Variants in MAPRE3 observed in about 807,000 individuals in gnomAD.
MAPRE3 encodes the protein microtubule-associated protein RP/EB family member 3.
MAPRE3 carries 2 observed loss-of-function variants against 30.5 expected under a neutral mutation model. The observed-to-expected ratio is 0.07, with a 90% CI of 0.03 to 0.21. The LOEUF (loss-of-function observed/expected upper bound fraction) is 0.21. Ranked by LOEUF, MAPRE3 falls within the 10% of genes least tolerant of loss-of-function variation. MAPRE3 has a pLI of 1.00. For missense variants in MAPRE3, 204 were observed against 351.8 expected, an observed-to-expected ratio of 0.58 and a Z score of 3.36; for synonymous variants, 110 against 127.7, an observed-to-expected ratio of 0.86 and a Z score of 0.93.
intron 1 of MAPRE3, among the ~76,000 whole-genome samples, chr2:26,975,093 C>A (rs1311896484): frequency 6.6e-6 from 1 of 152,170 alleles, no homozygotes; most frequent in Non-Finnish European, 1.5e-5. Flanking sequence ...GAAAGACTGG[C>A]AGGACAGGAG....
At chr2:27,026,219 A>T in intron 6 of MAPRE3, 61 bp from the exon 7 acceptor site, 1 of 1,519,554 alleles carries the variant, frequency 6.6e-7, no homozygotes, top group Non-Finnish European at 9.0e-7. Flanking sequence ...TACTTACAGA[A>T]CCTGAGAAGC....
chr2:26,995,825 G>GTGTGTGTGTGTGTGTGTGTA (rs1473997599), intron 1 of MAPRE3, among the ~76,000 whole-genome samples: 62 of 149,306 alleles, frequency 4.2e-4, no homozygotes, highest in East Asian at 3.1e-3. Context: ...GTGTGTGTGT[G>GTGTGTGTGTGTGTGTGTGTA]TGTGTATGTG....
rs180846687 is a variant in MAPRE3 at position 26,978,056 on chromosome 2, C to G, written c.-8+7254C>G. On this transcript the variant is annotated intron_variant, in intron 1 of 6. Coordinates refer to ENST00000233121, the MANE Select transcript of MAPRE3 (RefSeq NM_012326.4). ...ATACTTGTCCTAGATGGGGTGGAGGCCTTCCCTGCTGCTGGAATTATTAGT... is the reference window on the plus strand; with the variant it reads ...ATACTTGTCCTAGATGGGGTGGAGGGCTTCCCTGCTGCTGGAATTATTAGT... Among the ~76,000 whole-genome samples the G allele has an allele frequency of 2.6e-3, 400 of 152,264 alleles. 2 individuals carry two copies. The highest frequency in any genetic ancestry group is 9.2e-3 in the African/African-American group (382 of 41,516).
chr2:26,970,810 C>G lies in MAPRE3; in HGVS notation c.-8+8C>G, dbSNP rs961145163. The G allele has an allele frequency of 1.3e-5, 2 of 152,010 alleles. No individual in the cohort carries two copies. Among genetic ancestry groups the G allele is most frequent in the Non-Finnish European group, 2.9e-5 (2 of 67,996 alleles). 9.4% of individuals were successfully genotyped at this position (152,010 alleles called of 1,614,324 possible). ...GGAGCCGCCTCGTGCACTGTGAGTC[C>G]GGGCCGAGGCGACGGACGCCGTGGG... is the stretch of plus-strand genomic sequence containing the variant. On this transcript the variant is annotated splice_region_variant and intron_variant, in intron 1 of 6. Coordinates refer to ENST00000233121, the MANE Select transcript of MAPRE3 (RefSeq NM_012326.4).
chr2:26,985,459 C>G lies in MAPRE3; in HGVS notation c.-8+14657C>G, dbSNP rs1666198171. Among the ~76,000 whole-genome samples the G allele has an allele frequency of 6.6e-6, 1 of 152,168 alleles. No individual in the cohort carries two copies. Among genetic ancestry groups the G allele is most frequent in the South Asian group, 2.1e-4 (1 of 4,834 alleles). On this transcript the variant is annotated intron_variant, in intron 1 of 6. Coordinates refer to ENST00000233121, the MANE Select transcript of MAPRE3 (RefSeq NM_012326.4). The surrounding 1 kb of genome is among the most constrained non-coding windows in gnomAD (Gnocchi z 4.2). ...GTGGCAGAAGCAGGCCCTGGAGACC[C>G]TCCCCACTTGCTCAGGTGTGGCCCA...
chr2:26,976,593 C>A (rs1457838295), intron 1 of MAPRE3, among the ~76,000 whole-genome samples: 1 of 152,192 alleles, frequency 6.6e-6, no homozygotes, highest in Non-Finnish European at 1.5e-5. Flanking sequence ...CTAAACTGAC[C>A]AGATGTTGTT....
chr2:26,972,049 T>C (rs1665924938), intron 1 of MAPRE3, among the ~76,000 whole-genome samples: 1 of 152,242 alleles, frequency 6.6e-6, no homozygotes, highest in South Asian at 2.1e-4. Flanking sequence ...TCAGAGTTAG[T>C]GCCCAGAGCC....
At chr2:27,009,106 A>G (rs1449627446) in intron 1 of MAPRE3, among the ~76,000 whole-genome samples, 1 of 152,136 alleles carries the variant, frequency 6.6e-6, no homozygotes, top group African/African-American at 2.4e-5. Context: ...AGATTATAGA[A>G]CAGGTCTGTA....
chr2:26,987,593 G>A (rs191268017), intron 1 of MAPRE3, among the ~76,000 whole-genome samples: 198 of 152,212 alleles, frequency 1.3e-3, no homozygotes, highest in East Asian at 2.7e-3. Context: ...AGCCGAGATC[G>A]CGCCATTGCA....
intron 1 of MAPRE3, among the ~76,000 whole-genome samples, chr2:27,002,614 T>G (rs1050537001): frequency 1.3e-5 from 2 of 152,336 alleles, no homozygotes; most frequent in Admixed American, 1.3e-4. Context: ...ACTGCCCATC[T>G]TGGAACCCAG....
At position 27,026,004 on chromosome 2, in the gene MAPRE3, G is replaced by A; in HGVS notation, c.749G>A (p.Gly250Asp). ...AGTGAAAACAGCCCTGTTATCTCAG[G>A]CATCATTGGCATCCTCTATGCCACA... is the stretch of plus-strand genomic sequence containing the variant. Reference protein sequence around the residue: ...HESENSPVISGIIGILYATEE... With the variant: ...HESENSPVISDIIGILYATEE... The change falls in exon 6 of 7, where the codon GGC becomes GAC. Residue 250 changes from glycine to aspartate, a missense_variant. By Grantham distance (94) the Gly-to-Asp change is moderately conservative. Transcript: ENST00000233121. 6.2e-7 allele frequency: 1 copy of A among 1,614,208 alleles called. No homozygotes were observed. The highest frequency in any genetic ancestry group is 2.2e-5 in the East Asian group (1 of 44,874).
intron 1 of MAPRE3, among the ~76,000 whole-genome samples, chr2:26,982,179 C>T (rs1195135887): frequency 2.0e-5 from 3 of 152,198 alleles, no homozygotes; most frequent in Non-Finnish European, 4.4e-5. Flanking sequence ...TTTCTCATGT[C>T]CTCCTAGATC....
At chr2:26,995,773 TAA>T (rs1454689316) in intron 1 of MAPRE3, among the ~76,000 whole-genome samples, 1 of 67,814 alleles carries the variant, frequency 1.5e-5, no homozygotes. Flanking sequence ...AGGGTCTTTC[TAA>T]GAGAGGTGTG....
In MAPRE3 at chr2:27,023,435, C is replaced by A. The variant is rs1427054781; in HGVS notation, c.225C>A (p.Phe75Leu). Residue 75 changes from phenylalanine (F) to leucine (L), a missense_variant, in exon 3 of 7, where the codon TTC becomes TTA. This residue lies in a region of MAPRE3 where 101 missense variants were observed against 205.4 expected (regional missense o/e 0.49). Transcript: ENST00000233121. ...AKLEHEYIHN[F>L]KVLQAAFKKM... is the part of the protein sequence containing the mutation. ...TAGAGCACGAATACATCCACAACTT[C>A]AAGGTGCTGCAAGCAGCTTTCAAGA... is the stretch of plus-strand genomic sequence containing the variant. 6.2e-7 allele frequency: 1 copy of A among 1,614,180 alleles called. No homozygotes were observed. The highest frequency in any genetic ancestry group is 1.7e-5 in the Admixed American group (1 of 60,032).
chr2:27,019,156 A>G (rs1403219608), intron 1 of MAPRE3, among the ~76,000 whole-genome samples: 2 of 151,906 alleles, frequency 1.3e-5, no homozygotes, highest in Non-Finnish European at 2.9e-5. Flanking sequence ...CAGCCTCCCA[A>G]AGTGCTGGCA....
intron 3 of MAPRE3, chr2:27,023,738 C>T (rs745559611): frequency 2.1e-5 from 11 of 522,882 alleles, no homozygotes; most frequent in East Asian, 1.4e-4. Flanking sequence ...CTCTGTGCAC[C>T]GCTCCTGTGA....
At chr2:27,004,157 G>A (rs1417250200) in intron 1 of MAPRE3, among the ~76,000 whole-genome samples, 5 of 152,138 alleles carry the variant, frequency 3.3e-5, no homozygotes, top group Admixed American at 3.3e-4. Context: ...TTGCCCAGAG[G>A]ATCTCTCATG....
rs556439088 is a variant in MAPRE3 at position 27,003,509 on chromosome 2, G to A, written c.-7-18703G>A. Among the ~76,000 whole-genome samples, 3 of 152,298 alleles carry A rather than the reference G, an allele frequency of 2.0e-5. No individual in the cohort carries two copies. The South Asian group carries it at 6.2e-4, about 32-fold the overall frequency. On this transcript the variant is annotated intron_variant, in intron 1 of 6. Coordinates refer to ENST00000233121, the MANE Select transcript of MAPRE3 (RefSeq NM_012326.4). ...AGAGAAGCACCATCTTAGGGAATCAGCTGTCTACGAGCTTTTCTCATAGCC... is the reference window on the plus strand; with the variant it reads ...AGAGAAGCACCATCTTAGGGAATCAACTGTCTACGAGCTTTTCTCATAGCC...
chr2:27,010,496 G>A (rs1479031403), intron 1 of MAPRE3, among the ~76,000 whole-genome samples: 1 of 148,358 alleles, frequency 6.7e-6, no homozygotes, highest in African/African-American at 2.5e-5. Flanking sequence ...AGGCTGGGGT[G>A]CAGTGGTGTG....
Sources: allele counts gnomAD v4.1 joint callset (sites outside exome capture counted in the v4.1 genomes callset), GRCh38; gene constraint gnomAD v4.1.1; regional missense constraint gnomAD v4.1.1; non-coding constraint Gnocchi (gnomAD v3.1); transcripts MANE v1.5; gene names NCBI Gene and HGNC (gene_info 2026-07-23, HGNC 2026-07-21).